Variants in NAALADL2 observed in about 807,000 individuals in gnomAD.
The protein encoded by NAALADL2 is inactive N-acetylated-alpha-linked acidic dipeptidase-like protein 2.
A neutral mutation model predicts 87.2 loss-of-function variants in NAALADL2; 76 were observed. The observed-to-expected ratio is 0.87, with a 90% CI of 0.72 to 1.05. The LOEUF is 1.05. Among genes scored for constraint, NAALADL2 ranks in the 50% least tolerant of loss-of-function variants. The pLI, the probability that NAALADL2 is intolerant of heterozygous loss-of-function variation, is 0.00. For synonymous variants in NAALADL2, 354 were observed against 331.0 expected, an observed-to-expected ratio of 1.07 and a Z score of -0.75; for missense variants, 1,089 against 945.8, an observed-to-expected ratio of 1.15 and a Z score of -1.99.
At chr3:175,668,536 A>C (rs1733520871) in intron 11 of NAALADL2, among the ~76,000 whole-genome samples, 1 of 152,144 alleles carries the variant, frequency 6.6e-6, no homozygotes, top group Admixed American at 6.5e-5. Context: ...AACAGCAATT[A>C]TACAGCACAA....
In NAALADL2 at chr3:175,142,397, A is replaced by C. The variant is rs540598881; in HGVS notation, c.545+45106A>C. On this transcript the variant is annotated intron_variant, in intron 2 of 13. Transcript: ENST00000454872. ...CCCCTGACTTTAAACATTTACTGAG[A>C]TCTTACTATGTATGTTACTATATAT... Among the ~76,000 whole-genome samples, 233 of 152,118 alleles carry C rather than the reference A, an allele frequency of 1.5e-3. 1 individual carries two copies. The highest frequency in any genetic ancestry group is 2.1e-3 in the Non-Finnish European group (143 of 67,932).
chr3:175,459,493 T>C lies in NAALADL2; in HGVS notation c.1235-3908T>C, dbSNP rs112726318. 6.5e-3 allele frequency among the ~76,000 whole-genome samples: 981 copies of C among 150,484 alleles called. 9 individuals carry two copies. The highest frequency in any genetic ancestry group is 0.023 in the African/African-American group (933 of 40,896). On this transcript the variant is annotated intron_variant, in intron 6 of 13. Transcript: ENST00000454872. Reference sequence around the variant, plus strand: ...TAAAATGGAGTTCTAGAAACAATATTAGAAGAAGGAAAAAATGGGAGAGAG... The same window carrying C: ...TAAAATGGAGTTCTAGAAACAATATCAGAAGAAGGAAAAAATGGGAGAGAG...
intron 1 of NAALADL2, among the ~76,000 whole-genome samples, chr3:175,068,525 T>C (rs772165108): frequency 1.3e-5 from 2 of 152,094 alleles, no homozygotes; most frequent in Non-Finnish European, 2.9e-5. Context: ...GATAAGGAGA[T>C]TCTTCCATTC....
chr3:174,831,773 C>T (rs1254176600), intron 3 of NAALADL2, among the ~76,000 whole-genome samples: 109 of 151,234 alleles, frequency 7.2e-4, no homozygotes, highest in African/African-American at 2.5e-3. Context: ...TTGATTATTG[C>T]CACAATTTCA....
At chr3:175,293,760 A>C (rs1252218785) in intron 4 of NAALADL2, among the ~76,000 whole-genome samples, 1 of 152,200 alleles carries the variant, frequency 6.6e-6, no homozygotes, top group African/African-American at 2.4e-5. Context: ...CAAATTTGCC[A>C]TTGCTTTGAT....
In NAALADL2 at chr3:175,365,356, G is replaced by T. The variant is rs1765438258; in HGVS notation, c.1090+41031G>T. Among the ~76,000 whole-genome samples, 2 of 146,796 alleles carry T rather than the reference G, an allele frequency of 1.4e-5. 1 individual carries two copies. The highest frequency in any genetic ancestry group is 4.9e-5 in the African/African-American group (2 of 40,428). On this transcript the variant is annotated intron_variant, in intron 5 of 13. Transcript: ENST00000454872. Reference sequence around the variant, plus strand: ...TATTTCATTATTTTGGTGAATTTTTGCAAAAATCTATTTAGATAATATTAT... The same window carrying T: ...TATTTCATTATTTTGGTGAATTTTTTCAAAAATCTATTTAGATAATATTAT...
intron 1 of NAALADL2, among the ~76,000 whole-genome samples, chr3:174,936,893 A>AT (rs1330240557): frequency 6.6e-6 from 1 of 152,142 alleles, no homozygotes; most frequent in African/African-American, 2.4e-5. Context: ...AAATGGAAAG[A>AT]TTTGTTGTCT....
chr3:175,174,773 G>A (rs1004173809), intron 2 of NAALADL2, among the ~76,000 whole-genome samples: 10 of 129,148 alleles, frequency 7.7e-5, no homozygotes, highest in African/African-American at 2.8e-4. Flanking sequence ...CTATTCATGT[G>A]TGTGTGTGTG....
chr3:175,309,888 C>A (rs1437122889), intron 4 of NAALADL2, among the ~76,000 whole-genome samples: 1 of 152,148 alleles, frequency 6.6e-6, no homozygotes, highest in African/African-American at 2.4e-5. Flanking sequence ...GAATGAACTT[C>A]AGAGCTTTTC....
At chr3:174,751,607 G>A (rs1332785254) in intron 3 of NAALADL2, among the ~76,000 whole-genome samples, 1 of 148,872 alleles carries the variant, frequency 6.7e-6, no homozygotes, top group East Asian at 2.0e-4. Flanking sequence ...AGGTTGCAGT[G>A]AGCCGAGATC....
intron 13 of NAALADL2, among the ~76,000 whole-genome samples, chr3:175,782,801 A>C (rs1751338351): frequency 6.8e-6 from 1 of 146,764 alleles, no homozygotes; most frequent in African/African-American, 2.7e-5. Context: ...CCTGAATGGT[A>C]ATGCCTAGGT....
At chr3:175,193,888 A>G (rs1215439482) in intron 2 of NAALADL2, among the ~76,000 whole-genome samples, 1 of 151,172 alleles carries the variant, frequency 6.6e-6, no homozygotes, top group Non-Finnish European at 1.5e-5. Flanking sequence ...ATTAGTTGCT[A>G]TTTCATGAAA....
rs913267372 is a variant in NAALADL2, at chr3:175,375,365, A to G, written c.1090+51040A>G. Among the ~76,000 whole-genome samples, 8 of 152,162 alleles carry G rather than the reference A, an allele frequency of 5.3e-5. No individual in the cohort carries two copies. The East Asian group carries it at 1.5e-3, about 29-fold the overall frequency. On this transcript the variant is annotated intron_variant, in intron 5 of 13. Transcript: ENST00000454872. ...GGGATTGTGTTGAATGTACAGAGCT[A>G]TTTGGAGATGACTGAAATACAGCAT...
At chr3:175,203,880 C>G (rs1245851280) in intron 2 of NAALADL2, among the ~76,000 whole-genome samples, 1 of 152,134 alleles carries the variant, frequency 6.6e-6, no homozygotes, top group African/African-American at 2.4e-5. Flanking sequence ...ACACAACCCT[C>G]CTAGCTTAAA....
In NAALADL2 at chr3:174,892,815, G is replaced by A. The variant is rs111706341; in HGVS notation, c.43+33365G>A. 3.2e-3 allele frequency among the ~76,000 whole-genome samples: 482 copies of A among 151,334 alleles called. 2 individuals carry two copies. The highest frequency in any genetic ancestry group is 0.011 in the African/African-American group (464 of 41,196). On this transcript the variant is annotated intron_variant, in intron 1 of 13. Transcript: ENST00000454872. ...CATGTGCCTGTAGTCCCAGCTACTC[G>A]GGAGGCTGAGGTGTGACACTCACTT...
chr3:175,518,596 G>A (rs1560692152), intron 9 of NAALADL2, among the ~76,000 whole-genome samples: 1 of 152,218 alleles, frequency 6.6e-6, no homozygotes, highest in Non-Finnish European at 1.5e-5. Flanking sequence ...CCTTCCTGCT[G>A]ATGGGGACTC....
intron 5 of NAALADL2, among the ~76,000 whole-genome samples, chr3:175,369,013 A>T (rs760280181): frequency 1.9e-4 from 29 of 152,140 alleles, no homozygotes; most frequent in South Asian, 6.2e-4. Flanking sequence ...AAGGCCTAAG[A>T]CGTTACTATG....
At chr3:175,017,841 A>G (rs867790183) in intron 1 of NAALADL2, among the ~76,000 whole-genome samples, 6 of 152,084 alleles carry the variant, frequency 3.9e-5, no homozygotes, top group African/African-American at 1.2e-4. Flanking sequence ...GGCGTTGGCC[A>G]GTCCCTTCTG....
intron 8 of NAALADL2, among the ~76,000 whole-genome samples, chr3:175,468,884 G>A (rs1213664643): frequency 6.6e-6 from 1 of 151,804 alleles, no homozygotes; most frequent in Non-Finnish European, 1.5e-5. Context: ...ATATTTTTGT[G>A]GTTAATACAC....
Sources: gnomAD v4.1 joint callset for allele counts (sites outside exome capture counted in the v4.1 genomes callset) on GRCh38, gnomAD v4.1.1 for gene constraint, MANE v1.5 for transcripts, NCBI Gene and HGNC (gene_info 2026-07-23, HGNC 2026-07-21) for gene names.